Variants in RYR2 observed in about 807,000 individuals in gnomAD.
RYR2 encodes the protein cardiac muscle ryanodine receptor-calcium release channel.
RYR2 carries 227 observed loss-of-function variants against 601.1 expected under a neutral mutation model. The ratio of observed to expected loss-of-function variants is 0.38; its 90% CI spans 0.34 to 0.42. The LOEUF (loss-of-function observed/expected upper bound fraction) is 0.42. RYR2 is among the 10% of genes least tolerant of loss of function. RYR2 has a pLI of 1.00. For synonymous variants in RYR2, 2,223 were observed against 2,175.1 expected (o/e 1.02, Z -0.61); for missense variants, 4,646 against 6,156.5 (o/e 0.75, Z 8.21).
intron 96 of RYR2, among the ~76,000 whole-genome samples, chr1:237,796,681 TTC>T (rs1242855795): frequency 6.6e-6 from 1 of 152,110 alleles, no homozygotes; most frequent in Admixed American, 6.6e-5. Flanking sequence ...TATTTTCACA[TTC>T]TGTCTCCTTT....
intron 29 of RYR2, among the ~76,000 whole-genome samples, chr1:237,577,535 TGC>T (rs1203493419): frequency 0.23 from 16,525 of 73,302 alleles, 1,350 homozygotes; most frequent in South Asian, 0.32. Context: ...TGTGTGTGTG[TGC>T]GTGTGTGTGT....
intron 12 of RYR2, among the ~76,000 whole-genome samples, chr1:237,431,522 G>T (rs1706804553): frequency 4.0e-5 from 6 of 151,764 alleles, no homozygotes; most frequent in Admixed American, 3.9e-4. Context: ...ATAGAATTTG[G>T]CAATAATTCA....
At position 237,160,646 on chromosome 1, in the gene RYR2, T is replaced by A. The variant is rs77820642; in HGVS notation, c.49-109851T>A. Among the ~76,000 whole-genome samples the A allele has an allele frequency of 5.3e-5, 8 of 152,182 alleles. No individual in the cohort carries two copies. In the East Asian group the frequency reaches 1.5e-3, roughly 29 times the overall value. On this transcript the variant is annotated intron_variant, in intron 1 of 104. Coordinates refer to ENST00000366574, the MANE Select transcript of RYR2 (RefSeq NM_001035.3). ...CTAATTGAGTTGTCCATTTTACTAA[T>A]GTCTTCTGACAGCCTTTCATTGATC...
chr1:237,794,972 A>C (rs1049357718), intron 95 of RYR2, among the ~76,000 whole-genome samples: 13 of 152,238 alleles, frequency 8.5e-5, no homozygotes, highest in African/African-American at 3.1e-4. Context: ...TTTAAAGGCA[A>C]TTGATAAACA....
chr1:237,567,243 T>C (rs771505465), intron 28 of RYR2, among the ~76,000 whole-genome samples: 12 of 152,210 alleles, frequency 7.9e-5, no homozygotes, highest in Non-Finnish European at 1.8e-4. Context: ...TTTATTTTGT[T>C]ATTTATATAC....
chr1:237,781,666 T>C lies in RYR2; in HGVS notation c.11962+20T>C, dbSNP rs1436294706. ...TAGAAGGTAGTTTTGATTTATACTT[T>C]TAAATTCTCTTTATTATCTTATTTA... On this transcript the variant is annotated intron_variant, in intron 89 of 104. Transcript: ENST00000366574. 2.3e-6 allele frequency: 3 copies of C among 1,284,402 alleles called. No homozygotes were observed. Among genetic ancestry groups the C allele is most frequent in the Non-Finnish European group, 2.2e-6 (2 of 901,300 alleles). The allele number at this position is 1,284,402 out of a possible 1,614,324, so 79.6% of individuals were successfully genotyped here. A position where few individuals can be genotyped will look rare whatever the true frequency, so the allele number is the denominator to read the frequency against.
At chr1:237,558,619 G>C (rs556687844) in intron 27 of RYR2, among the ~76,000 whole-genome samples, 1 of 152,208 alleles carries the variant, frequency 6.6e-6, no homozygotes, top group Non-Finnish European at 1.5e-5. Context: ...AAAGTTTACT[G>C]TACTTCTTAG....
At chr1:237,472,890 T>G (rs1660891450) in intron 17 of RYR2, among the ~76,000 whole-genome samples, 1 of 152,118 alleles carries the variant, frequency 6.6e-6, no homozygotes, top group Non-Finnish European at 1.5e-5. Flanking sequence ...GGGAATTGCT[T>G]GTCAAAACTT....
intron 2 of RYR2, among the ~76,000 whole-genome samples, chr1:237,328,843 G>T (rs947713610): frequency 2.6e-5 from 4 of 152,132 alleles, no homozygotes; most frequent in Admixed American, 1.3e-4. Context: ...AAATTGTAAT[G>T]TGGATGCATT....
At position 237,190,956 on chromosome 1, in the gene RYR2, C is replaced by T. The variant is rs146938653; in HGVS notation, c.49-79541C>T. Among the ~76,000 whole-genome samples the T allele has an allele frequency of 5.1e-4, 78 of 152,272 alleles. 1 individual carries two copies. The East Asian group carries it at 7.9e-3, about 15-fold the overall frequency. On this transcript the variant is annotated intron_variant, in intron 1 of 104. Transcript: ENST00000366574. ...AGTTTATTTTTGTTTTTGTGGCCTA[C>T]GCTTTTGGTGTCGTATCCAAGAAAT...
chr1:237,319,978 C>T (rs1011223653), intron 2 of RYR2, among the ~76,000 whole-genome samples: 3 of 152,092 alleles, frequency 2.0e-5, no homozygotes, highest in African/African-American at 7.3e-5. Flanking sequence ...CTGGTCTTCA[C>T]AGCTAGCCCA....
chr1:237,826,757 A>G (rs1169298045), intron 101 of RYR2, among the ~76,000 whole-genome samples: 1 of 152,224 alleles, frequency 6.6e-6, no homozygotes, highest in Non-Finnish European at 1.5e-5. Context: ...CTATCTGCCC[A>G]GCACATGTAT....
At chr1:237,440,720 G>A (rs367928084) in intron 12 of RYR2, among the ~76,000 whole-genome samples, 141 of 152,134 alleles carry the variant, frequency 9.3e-4, no homozygotes, top group African/African-American at 3.1e-3. Context: ...CATTTTAATA[G>A]GTTCATTAAC....
At chr1:237,064,309 TA>T (rs1230957575) in intron 1 of RYR2, among the ~76,000 whole-genome samples, 1 of 152,208 alleles carries the variant, frequency 6.6e-6, no homozygotes, top group Non-Finnish European at 1.5e-5. Flanking sequence ...TGAGCTGTTT[TA>T]TTTTTTAGTA....
At chr1:237,699,454 G>A (rs1345273070) in intron 64 of RYR2, among the ~76,000 whole-genome samples, 1 of 151,814 alleles carries the variant, frequency 6.6e-6, no homozygotes, top group Non-Finnish European at 1.5e-5. Flanking sequence ...TGTGTAGGTA[G>A]ACGAATTCCC....
intron 2 of RYR2, among the ~76,000 whole-genome samples, chr1:237,297,959 C>T (rs1692965552): frequency 7.5e-6 from 1 of 133,312 alleles, no homozygotes; most frequent in South Asian, 2.4e-4. Context: ...GTGGTTTTGC[C>T]ATGTTGCCTA....
At chr1:237,346,367 C>CAAAAA (rs397975831) in intron 3 of RYR2, among the ~76,000 whole-genome samples, 30 of 62,356 alleles carry the variant, frequency 4.8e-4, no homozygotes, top group East Asian at 1.1e-3. Context: ...GGGTCTACCT[C>CAAAAA]AAAAAAAAAA....
chr1:237,805,505 T>C (rs1422278060), intron 98 of RYR2, among the ~76,000 whole-genome samples: 12 of 134,434 alleles, frequency 8.9e-5, no homozygotes, highest in Non-Finnish European at 1.8e-4. Flanking sequence ...GGCATGAACC[T>C]GGGAGGCAGA....
chr1:237,580,537 A>C (rs1354542406), intron 29 of RYR2, among the ~76,000 whole-genome samples: 1 of 151,938 alleles, frequency 6.6e-6, no homozygotes. Context: ...GTAGAATTCA[A>C]ATTCTTCTAA....
Sources: allele counts gnomAD v4.1 joint callset (sites outside exome capture counted in the v4.1 genomes callset), GRCh38; gene constraint gnomAD v4.1.1; transcripts MANE v1.5; gene names NCBI Gene and HGNC (gene_info 2026-07-23, HGNC 2026-07-21).